Variants in ANKRD31 observed in about 807,000 individuals in gnomAD.
ANKRD31 encodes ankyrin repeat domain-containing protein 31.
A neutral mutation model predicts 186.0 loss-of-function variants in ANKRD31; 147 were observed. That is an observed-to-expected ratio of 0.79 (90% CI 0.69 to 0.91). The LOEUF is 0.91. Ranked by LOEUF, ANKRD31 falls within the 40% of genes least tolerant of loss-of-function variation. The pLI, the probability that ANKRD31 is intolerant of heterozygous loss-of-function variation, is 0.00. For missense variants in ANKRD31, 1,986 were observed against 2,148.8 expected, an observed-to-expected ratio of 0.92 and a Z score of 1.50; for synonymous variants, 673 against 736.4, an observed-to-expected ratio of 0.91 and a Z score of 1.39.
At chr5:75,070,908 C>T (rs770421781) in intron 25 of ANKRD31, among the ~76,000 whole-genome samples, 8 of 152,194 alleles carry the variant, frequency 5.3e-5, no homozygotes, top group Non-Finnish European at 1.2e-4. Context: ...ACCTGGGCAA[C>T]ATAGTGAGAT....
chr5:75,180,189 C>A (rs1754175991), intron 10 of ANKRD31, among the ~76,000 whole-genome samples: 1 of 152,078 alleles, frequency 6.6e-6, no homozygotes, highest in African/African-American at 2.4e-5. Context: ...ATGTGAAGGA[C>A]CTCTTCAAGG....
intron 17 of ANKRD31, among the ~76,000 whole-genome samples, chr5:75,133,723 C>G (rs1036983626): frequency 6.6e-6 from 1 of 152,202 alleles, no homozygotes; most frequent in African/African-American, 2.4e-5. Context: ...TTCTTTTCAG[C>G]ACCACACCAC....
chr5:75,176,270 G>A (rs946020740), intron 10 of ANKRD31, among the ~76,000 whole-genome samples: 1 of 152,202 alleles, frequency 6.6e-6, no homozygotes, highest in East Asian at 1.9e-4. Flanking sequence ...CACAGCTCAA[G>A]GACGCCTGCC....
chr5:75,098,242 C>T (rs1014821143), intron 22 of ANKRD31, among the ~76,000 whole-genome samples: 1 of 152,170 alleles, frequency 6.6e-6, no homozygotes, highest in Non-Finnish European at 1.5e-5. Flanking sequence ...CCATCTCGGC[C>T]TCCCAAAGTG....
At chr5:75,153,637 A>G (rs1031895255) in intron 12 of ANKRD31, among the ~76,000 whole-genome samples, 1 of 152,074 alleles carries the variant, frequency 6.6e-6, no homozygotes, top group Non-Finnish European at 1.5e-5. Flanking sequence ...TTAAAGGGAG[A>G]GCCATTGCAG....
intron 23 of ANKRD31, among the ~76,000 whole-genome samples, chr5:75,090,239 C>T (rs531176186): frequency 6.6e-6 from 1 of 152,296 alleles, no homozygotes; most frequent in South Asian, 2.1e-4. Context: ...GGCCTGGTGA[C>T]TCCAGGAGTG....
At position 75,213,091 on chromosome 5, in the gene ANKRD31, C is replaced by T. The variant is rs142104898; in HGVS notation, c.289-2226G>A. ...ACTGATAATGCATCCCTAAACACCC[C>T]AAAGTTACATTAGTTTCACACATAT... On this transcript the variant is annotated intron_variant, in intron 3 of 25. Coordinates refer to ENST00000506364, the MANE Select transcript of ANKRD31 (RefSeq NM_001372053.1). 4.4e-3 allele frequency among the ~76,000 whole-genome samples: 671 copies of T among 152,222 alleles called. 2 individuals are homozygous for T. Among genetic ancestry groups the T allele is most frequent in the Non-Finnish European group, 7.5e-3 (508 of 67,996 alleles).
chr5:75,193,655 A>C (rs1175214088), intron 7 of ANKRD31, 64 bp from the exon 8 acceptor site: 4 of 1,432,962 alleles, frequency 2.8e-6, no homozygotes, highest in Middle Eastern at 2.4e-4. Context: ...AACTATAAGA[A>C]GTTAAATTTT....
chr5:75,135,878 C>A (rs1159838128), intron 17 of ANKRD31, among the ~76,000 whole-genome samples: 2 of 152,202 alleles, frequency 1.3e-5, no homozygotes, highest in Non-Finnish European at 2.9e-5. Flanking sequence ...CTACAATGAT[C>A]TGATCTTTGA....
At chr5:75,202,768 A>C (rs1228435090) in intron 5 of ANKRD31, among the ~76,000 whole-genome samples, 1 of 152,202 alleles carries the variant, frequency 6.6e-6, no homozygotes. Context: ...TATAGTCTGG[A>C]ATTATAATAA....
intron 4 of ANKRD31, among the ~76,000 whole-genome samples, chr5:75,207,634 C>T (rs1278311721): frequency 6.6e-6 from 1 of 151,932 alleles, no homozygotes; most frequent in Non-Finnish European, 1.5e-5. Context: ...TAAACTATTA[C>T]TTAAAATTTA....
intron 1 of ANKRD31, among the ~76,000 whole-genome samples, chr5:75,233,067 C>CT (rs112701018): frequency 5.1e-4 from 74 of 146,220 alleles, no homozygotes; most frequent in East Asian, 7.9e-4. Flanking sequence ...TTTTCTTTTC[C>CT]TTTTTTTTTT....
chr5:75,132,623 C>G (rs1417713543), intron 17 of ANKRD31, among the ~76,000 whole-genome samples: 1 of 152,194 alleles, frequency 6.6e-6, no homozygotes, highest in Non-Finnish European at 1.5e-5. Context: ...CTTCCCCAAT[C>G]TAGCAAGGCA....
intron 20 of ANKRD31, among the ~76,000 whole-genome samples, chr5:75,108,913 A>C (rs578155108): frequency 1.3e-5 from 2 of 152,206 alleles, no homozygotes. Context: ...ATAGGTAAAA[A>C]TAACATACTA....
At chr5:75,210,892 C>G in intron 3 of ANKRD31, 27 bp from the exon 4 acceptor site, 1 of 1,472,762 alleles carries the variant, frequency 6.8e-7, no homozygotes, top group Non-Finnish European at 9.0e-7. Flanking sequence ...AAGTTTTTTC[C>G]AACTGATAAG....
intron 24 of ANKRD31, among the ~76,000 whole-genome samples, chr5:75,083,692 T>C (rs1406608524): frequency 1.3e-5 from 2 of 151,634 alleles, no homozygotes; most frequent in African/African-American, 4.9e-5. Context: ...ATTGTGCCAT[T>C]GCACTCCAGC....
At chr5:75,210,036 T>G (rs1013699778) in intron 4 of ANKRD31, among the ~76,000 whole-genome samples, 1 of 152,244 alleles carries the variant, frequency 6.6e-6, no homozygotes, top group Non-Finnish European at 1.5e-5. Flanking sequence ...AAAATAGTTT[T>G]GACCTCACAG....
At chr5:75,214,160 G>A (rs931649722) in intron 3 of ANKRD31, among the ~76,000 whole-genome samples, 53 of 152,154 alleles carry the variant, frequency 3.5e-4, no homozygotes, top group African/African-American at 1.3e-3. Context: ...TACCATCTGT[G>A]TACTGCTTCA....
chr5:75,156,708 G>C (rs926227045), intron 11 of ANKRD31, among the ~76,000 whole-genome samples: 1 of 152,158 alleles, frequency 6.6e-6, no homozygotes, highest in African/African-American at 2.4e-5. Flanking sequence ...GAAAAGCTGA[G>C]GTAAAGTCAA....
Sources: gnomAD v4.1 joint callset for allele counts (sites outside exome capture counted in the v4.1 genomes callset) on GRCh38, gnomAD v4.1.1 for gene constraint, MANE v1.5 for transcripts, NCBI Gene and HGNC (gene_info 2026-07-23, HGNC 2026-07-21) for gene names.